Variants in BRSK2 observed in about 807,000 individuals in gnomAD.
BRSK2 encodes the protein BR serine/threonine kinase 2.
A neutral mutation model predicts 83.3 loss-of-function variants in BRSK2; 19 were observed. That is an observed-to-expected ratio of 0.23 (90% CI 0.16 to 0.33). BRSK2 has a LOEUF of 0.33. Ranked by LOEUF, BRSK2 falls within the 10% of genes least tolerant of loss-of-function variation. BRSK2 has a pLI of 1.00. For missense variants in BRSK2, 798 were observed against 1,042.3 expected (o/e 0.77, Z 3.23); for synonymous variants, 519 against 435.4 (o/e 1.19, Z -2.39).
At chr11:1,449,397 G>GCTGGAGCCAGCACGAGGC (rs1845526076) in intron 12 of BRSK2, among the ~76,000 whole-genome samples, 1 of 152,236 alleles carries the variant, frequency 6.6e-6, no homozygotes, top group Non-Finnish European at 1.5e-5. Flanking sequence ...CAGGTGGGAG[G>GCTGGAGCCAGCACGAGGC]CTGGAGCCAG....
intron 1 of BRSK2, among the ~76,000 whole-genome samples, chr11:1,392,949 G>A (rs958102243): frequency 5.3e-5 from 8 of 152,158 alleles, no homozygotes; most frequent in African/African-American, 1.9e-4. Flanking sequence ...GAAGCCGTCA[G>A]AGCACTGAGC....
At position 1,412,938 on chromosome 11, in the gene BRSK2, G is replaced by A. The variant is rs973750950; in HGVS notation, c.91+22563G>A. ...ACGGGACCGCCCATGGCCTCCCACC[G>A]TGCACGCCCTTTCTGACTGCTGTAG... On this transcript the variant is annotated intron_variant, in intron 1 of 19. Coordinates refer to ENST00000528841, the MANE Select transcript of BRSK2 (RefSeq NM_001256627.2). Among the ~76,000 whole-genome samples, 22 of 152,274 alleles carry A rather than the reference G, an allele frequency of 1.4e-4. No homozygotes were observed. In the East Asian group the frequency reaches 1.7e-3, roughly 12 times the overall value.
Position 1,451,365 on chromosome 11 carries a change from GCA to G in BRSK2, c.1496-3_1496-2del, listed in dbSNP as rs1352534816. 2 of 1,612,960 alleles carry G rather than the reference GCA, an allele frequency of 1.2e-6. No individual in the cohort carries two copies. The highest frequency in any genetic ancestry group is 1.7e-5 in the Admixed American group (1 of 60,030). On this transcript the variant is annotated splice_polypyrimidine_tract_variant and splice_region_variant and intron_variant, in intron 14 of 19. Transcript: ENST00000528841. ...GCCTTTCCTCCTGTTCATCCTGTGT[GCA>G]CAGTTCCGACGCCGGAGGAGATGTC...
Position 1,423,139 on chromosome 11 carries a change from T to C in BRSK2, c.92-12901T>C, listed in dbSNP as rs1848793914. Among the ~76,000 whole-genome samples the C allele has an allele frequency of 6.6e-6, 1 of 152,168 alleles. No individual in the cohort carries two copies. The highest frequency in any genetic ancestry group is 1.5e-5 in the Non-Finnish European group (1 of 67,998). On this transcript the variant is annotated intron_variant, in intron 1 of 19. Transcript: ENST00000528841. The surrounding 1 kb of genome is among the most constrained non-coding windows in gnomAD (Gnocchi z 6.5). ...CCTCCCCAAGAGCTGTGCCTCCATG[T>C]ACCTCAGGGCCTCCCCCAGAGCGGT...
In BRSK2 at chr11:1,390,047, G is replaced by T; in HGVS notation, c.-238G>T. 6.8e-6 allele frequency: 1 copy of T among 147,812 alleles called. No homozygotes were observed. The highest frequency in any genetic ancestry group is 1.5e-5 in the Non-Finnish European group (1 of 66,426). 9.2% of individuals were successfully genotyped at this position (147,812 alleles called of 1,614,324 possible). ...CGGCGGAAGCCAGGTGCCCCCGCCC[G>T]CCCTGTCCTCTCGACGAGGCGGAGG... On this transcript the variant is annotated 5_prime_UTR_variant, in exon 1 of 20. Coordinates refer to ENST00000528841, the MANE Select transcript of BRSK2 (RefSeq NM_001256627.2). This position sits in a 1 kb window ranked among gnomAD's most constrained non-coding sequence, Gnocchi z 6.8.
chr11:1,406,100 CG>C (rs1846857517), intron 1 of BRSK2, among the ~76,000 whole-genome samples: 1 of 152,014 alleles, frequency 6.6e-6, no homozygotes, highest in Non-Finnish European at 1.5e-5. Context: ...CCTCGGCCAG[CG>C]GCTCCTCCTG....
Position 1,454,398 on chromosome 11 carries a change from C to A in BRSK2, c.1545-87C>A. 1 of 1,502,538 alleles carries A rather than the reference C, an allele frequency of 6.7e-7. No individual in the cohort carries two copies. 93.1% of individuals were successfully genotyped at this position (1,502,538 alleles called of 1,614,324 possible). ...TCTATCACGAAGCGATGGAAGATTC[C>A]GCCGTTCCAACCCCAGATTCGAGGG... is the stretch of plus-strand genomic sequence containing the variant. On this transcript the variant is annotated intron_variant, in intron 15 of 19. Transcript: ENST00000528841. The surrounding 1 kb of genome is among the most constrained non-coding windows in gnomAD (Gnocchi z 5.2).
At position 1,390,873 on chromosome 11, in the gene BRSK2, G is replaced by T. The variant is rs1000311695; in HGVS notation, c.91+498G>T. On this transcript the variant is annotated intron_variant, in intron 1 of 19. Transcript: ENST00000528841. This position sits in a 1 kb window ranked among gnomAD's most constrained non-coding sequence, Gnocchi z 6.8. ...GCAGGCCCGATCTCCCTCCGCGGTG[G>T]GGGCGGGAGAGTGCGGGGACCTGCA... Among the ~76,000 whole-genome samples, 1 of 152,212 alleles carries T rather than the reference G, an allele frequency of 6.6e-6. No homozygotes were observed. The highest frequency in any genetic ancestry group is 3.2e-3 in the Middle Eastern group (1 of 316).
chr11:1,415,495 C>A (rs1564811615), intron 1 of BRSK2, among the ~76,000 whole-genome samples: 1 of 152,224 alleles, frequency 6.6e-6, no homozygotes, highest in Non-Finnish European at 1.5e-5. Flanking sequence ...TGGCTCACTG[C>A]AGCCTTGGCC....
At chr11:1,460,407 T>G in intron 19 of BRSK2, 93 bp from the exon 20 acceptor site, 1 of 979,312 alleles carries the variant, frequency 1.0e-6, no homozygotes, top group Non-Finnish European at 1.4e-6. Context: ...GTTTGTTCTC[T>G]TTCTCTCTCC....
Position 1,460,692 on chromosome 11 carries a change from G to T in BRSK2, c.2180G>T (p.Gly727Val), listed in dbSNP as rs1205307398. The T allele has an allele frequency of 6.6e-7, 1 of 1,509,562 alleles. No homozygotes were observed. Among genetic ancestry groups the T allele is most frequent in the Non-Finnish European group, 8.8e-7 (1 of 1,133,070 alleles). 93.5% of individuals were successfully genotyped at this position (1,509,562 alleles called of 1,614,324 possible). Reference sequence around the variant, plus strand: ...ACGGGCAAGGACACGGCCAAGATGGGCCCGCCCACCGCCCGCCGCGAGCAG... The same window carrying T: ...ACGGGCAAGGACACGGCCAAGATGGTCCCGCCCACCGCCCGCCGCGAGCAG... ...YPTGKDTAKMGPPTARREQP is the reference protein window; with the variant it reads ...YPTGKDTAKMVPPTARREQP The change falls in exon 20 of 20, where the codon GGC (glycine) becomes GTC (valine). Residue 727 changes from glycine (G) to valine (V), a missense_variant. This residue lies in a region of BRSK2 where 455 missense variants were observed against 455.2 expected (regional missense o/e 1.00). Transcript: ENST00000528841.
At position 1,460,767 on chromosome 11, in the gene BRSK2, C is replaced by G. The variant is rs1014324449; in HGVS notation, c.*44C>G. ...CCAGCACAGCACTGACAGCGGCTGC[C>G]TCGCCGCCCGCCGCCCGCCCTGCCC... On this transcript the variant is annotated 3_prime_UTR_variant, in exon 20 of 20. Transcript: ENST00000528841. 1 of 1,388,612 alleles carries G rather than the reference C, an allele frequency of 7.2e-7. No homozygotes were observed. The highest frequency in any genetic ancestry group is 1.5e-5 in the African/African-American group (1 of 65,136). The allele number at this position is 1,388,612 out of a possible 1,614,324, so 86.0% of individuals were successfully genotyped here.
chr11:1,402,382 G>C (rs536054711), intron 1 of BRSK2, among the ~76,000 whole-genome samples: 32 of 152,358 alleles, frequency 2.1e-4, no homozygotes, highest in African/African-American at 7.5e-4. Flanking sequence ...GGTGGCCTTG[G>C]GGGTGGATGG....
intron 8 of BRSK2, 129 bp from the exon 9 acceptor site, chr11:1,444,842 C>A (rs989193160): frequency 2.5e-6 from 2 of 808,470 alleles, no homozygotes; most frequent in East Asian, 4.9e-5. Flanking sequence ...CACCTTCCCC[C>A]CACTCACTTG....
chr11:1,437,128 T>G (rs1420715849), intron 2 of BRSK2, among the ~76,000 whole-genome samples: 1 of 151,712 alleles, frequency 6.6e-6, no homozygotes, highest in East Asian at 1.9e-4. Flanking sequence ...AGAGATCCAG[T>G]GCGGGGCGTA....
intron 14 of BRSK2, 41 bp downstream of exon 14, chr11:1,450,835 G>T: frequency 1.3e-6 from 2 of 1,535,362 alleles, no homozygotes; most frequent in South Asian, 1.2e-5. Flanking sequence ...GGCTGGGAGA[G>T]AGCAGAGGCT....
intron 19 of BRSK2, among the ~76,000 whole-genome samples, chr11:1,459,778 C>T (rs2133304572): frequency 6.6e-6 from 1 of 152,340 alleles, no homozygotes; most frequent in East Asian, 1.9e-4. Flanking sequence ...GGACCCGGGA[C>T]ATGACTCTAG....
chr11:1,448,875 C>T (rs996377924), intron 12 of BRSK2, among the ~76,000 whole-genome samples: 18 of 152,260 alleles, frequency 1.2e-4, no homozygotes, highest in Non-Finnish European at 2.4e-4. Flanking sequence ...CTCCACGGTC[C>T]GGGGCCTGGG....
At chr11:1,446,731 T>A (rs1460487563) in intron 12 of BRSK2, among the ~76,000 whole-genome samples, 1 of 152,172 alleles carries the variant, frequency 6.6e-6, no homozygotes, top group Non-Finnish European at 1.5e-5. Context: ...GTGCGGCCTC[T>A]TGGGGATGAG....
Sources: allele counts gnomAD v4.1 joint callset (sites outside exome capture counted in the v4.1 genomes callset), GRCh38; gene constraint gnomAD v4.1.1; regional missense constraint gnomAD v4.1.1; non-coding constraint Gnocchi (gnomAD v3.1); transcripts MANE v1.5; gene names NCBI Gene and HGNC (gene_info 2026-07-23, HGNC 2026-07-21).